CNTN1: variants seen among roughly 807,000 people sequenced by gnomAD.
CNTN1 encodes contactin-1.
CNTN1 carries 38 observed loss-of-function variants against 126.4 expected under a neutral mutation model. The ratio of observed to expected loss-of-function variants is 0.30; its 90% CI spans 0.23 to 0.39. The LOEUF (loss-of-function observed/expected upper bound fraction) is 0.39, where lower values mean the gene tolerates loss of function less well. Among genes scored for constraint, CNTN1 ranks in the 10% least tolerant of loss-of-function variants. The probability of loss-of-function intolerance (pLI) is 1.00; values close to 1 mark genes in which losing one functional copy is unlikely to be tolerated. For missense variants in CNTN1, 1,009 were observed against 1,248.4 expected (o/e 0.81, Z 2.89); for synonymous variants, 413 against 422.6 (o/e 0.98, Z 0.28).
At chr12:40,766,789 C>T (rs568059418) in intron 1 of CNTN1, among the ~76,000 whole-genome samples, 3 of 152,046 alleles carry the variant, frequency 2.0e-5, no homozygotes, top group South Asian at 4.1e-4. Flanking sequence ...ACCTGGAGAC[C>T]AATCAGTTGG....
intron 7 of CNTN1, among the ~76,000 whole-genome samples, chr12:40,931,732 A>G (rs1269819152): frequency 7.2e-5 from 11 of 152,040 alleles, no homozygotes; most frequent in Non-Finnish European, 1.5e-5. Flanking sequence ...TTAGTAGGTA[A>G]GCACCTGGGG....
chr12:40,865,130 A>G (rs1488980108), intron 1 of CNTN1, among the ~76,000 whole-genome samples: 2 of 152,178 alleles, frequency 1.3e-5, no homozygotes, highest in Admixed American at 1.3e-4. Flanking sequence ...ATCATTGTCC[A>G]TCTGTGTATC....
Position 40,918,778 on chromosome 12 carries a change from T to G in CNTN1, c.227+7T>G. The G allele has an allele frequency of 6.2e-7, 1 of 1,613,524 alleles. No homozygotes were observed. The highest frequency in any genetic ancestry group is 8.5e-7 in the Non-Finnish European group (1 of 1,179,500). ...GCCCTTTCCCGGTTTACAAGTAATG[T>G]ACCTCGCTTCTCTTTTCAGAGTGGA... On this transcript the variant is annotated splice_region_variant and intron_variant, in intron 4 of 23. Transcript: ENST00000551295.
chr12:40,756,987 A>G (rs1938636042), intron 1 of CNTN1, among the ~76,000 whole-genome samples: 1 of 152,130 alleles, frequency 6.6e-6, no homozygotes, highest in Non-Finnish European at 1.5e-5. Flanking sequence ...ATGAATGAAT[A>G]TTTATAGGAT....
At chr12:40,798,506 A>C (rs528399280) in intron 1 of CNTN1, among the ~76,000 whole-genome samples, 2 of 152,118 alleles carry the variant, frequency 1.3e-5, no homozygotes, top group East Asian at 1.9e-4. Context: ...TCCCCAGAGC[A>C]ATGGATTACG....
At chr12:40,737,277 G>T (rs1276404428) in intron 1 of CNTN1, among the ~76,000 whole-genome samples, 2 of 55,968 alleles carry the variant, frequency 3.6e-5, no homozygotes, top group Admixed American at 2.2e-4. Context: ...AGAACTAATA[G>T]GATATATATG....
intron 1 of CNTN1, among the ~76,000 whole-genome samples, chr12:40,830,930 C>T (rs11178653): frequency 5.3e-3 from 124 of 23,184 alleles, no homozygotes; most frequent in Middle Eastern, 0.033. Flanking sequence ...GTTACATATA[C>T]ATATACATAT....
At chr12:40,861,934 A>G (rs1943127516) in intron 1 of CNTN1, among the ~76,000 whole-genome samples, 1 of 151,888 alleles carries the variant, frequency 6.6e-6, no homozygotes, top group Non-Finnish European at 1.5e-5. Flanking sequence ...TAGATAGTGA[A>G]TTTTCTTTTA....
chr12:40,814,364 A>C (rs564635689), intron 1 of CNTN1, among the ~76,000 whole-genome samples: 2 of 152,290 alleles, frequency 1.3e-5, no homozygotes, highest in South Asian at 4.1e-4. Context: ...ATCTTGAGTT[A>C]ATTTTTGTAT....
chr12:41,028,706 A>G (rs1386317076), intron 22 of CNTN1, among the ~76,000 whole-genome samples: 1 of 152,204 alleles, frequency 6.6e-6, no homozygotes, highest in African/African-American at 2.4e-5. Context: ...GTAAAAATAA[A>G]AATTGAGAGA....
chr12:40,877,256 G>A (rs1354221620), intron 1 of CNTN1, among the ~76,000 whole-genome samples: 1 of 152,186 alleles, frequency 6.6e-6, no homozygotes, highest in Non-Finnish European at 1.5e-5. Flanking sequence ...AATACCCTGA[G>A]TTTCCTTGAA....
At chr12:40,992,779 T>C (rs1248189117) in intron 16 of CNTN1, among the ~76,000 whole-genome samples, 1 of 152,210 alleles carries the variant, frequency 6.6e-6, no homozygotes, top group African/African-American at 2.4e-5. Context: ...GAAATCTTTT[T>C]AGATTGCACC....
intron 1 of CNTN1, among the ~76,000 whole-genome samples, chr12:40,721,403 T>C (rs996760888): frequency 6.6e-6 from 1 of 152,134 alleles, no homozygotes; most frequent in Non-Finnish European, 1.5e-5. Flanking sequence ...TAAAGGTCTC[T>C]AAAAACATCA....
chr12:40,838,924 G>A (rs1592143663), intron 1 of CNTN1, among the ~76,000 whole-genome samples: 1 of 152,044 alleles, frequency 6.6e-6, no homozygotes, highest in Admixed American at 6.5e-5. Flanking sequence ...GATCTTAATC[G>A]AAACAAAATG....
At chr12:40,911,217 A>G (rs1391123952) in intron 3 of CNTN1, among the ~76,000 whole-genome samples, 2 of 152,064 alleles carry the variant, frequency 1.3e-5, no homozygotes, top group Non-Finnish European at 2.9e-5. Context: ...AGTAGCTGGG[A>G]CTACAGGCAC....
intron 23 of CNTN1, among the ~76,000 whole-genome samples, chr12:41,055,902 C>T (rs142528360): frequency 1.4e-4 from 21 of 152,228 alleles, no homozygotes; most frequent in Admixed American, 3.3e-4. Flanking sequence ...TGAAGAAGCA[C>T]GGGTACCTCA....
At chr12:41,069,793 A>G (rs775236085) in intron 23 of CNTN1, among the ~76,000 whole-genome samples, 166 bp from the exon 24 acceptor site, 51 of 152,146 alleles carry the variant, frequency 3.4e-4, no homozygotes, top group Non-Finnish European at 5.6e-4. Context: ...CTTTGATCAA[A>G]AGCTTTTGTT....
chr12:40,922,805 T>C (rs1945494805), intron 5 of CNTN1, among the ~76,000 whole-genome samples: 2 of 151,918 alleles, frequency 1.3e-5, no homozygotes, highest in Non-Finnish European at 2.9e-5. Context: ...ACCCTGTCTC[T>C]ACTTAAAATA....
At position 40,933,612 on chromosome 12, in the gene CNTN1, G is replaced by C. The variant is rs554314947; in HGVS notation, c.803+52G>C. 252 of 1,531,250 alleles carry C rather than the reference G, an allele frequency of 1.6e-4. 2 individuals carry two copies. In the East Asian group the frequency reaches 5.6e-3, roughly 34 times the overall value. The allele number at this position is 1,531,250 out of a possible 1,614,324, so 94.9% of individuals were successfully genotyped here. A position where few individuals can be genotyped will look rare whatever the true frequency, so the allele number is the denominator to read the frequency against. On this transcript the variant is annotated intron_variant, in intron 8 of 23. Transcript: ENST00000551295. Reference sequence around the variant, plus strand: ...ATATATAGAAATAGTACCATTTTAGGAAATAAATAATTGTTTAGCTATAAA... The same window carrying C: ...ATATATAGAAATAGTACCATTTTAGCAAATAAATAATTGTTTAGCTATAAA...
Sources: gnomAD v4.1 joint callset for allele counts (sites outside exome capture counted in the v4.1 genomes callset) on GRCh38, gnomAD v4.1.1 for gene constraint, MANE v1.5 for transcripts, NCBI Gene and HGNC (gene_info 2026-07-23, HGNC 2026-07-21) for gene names.